SLC66A3: variants seen among roughly 807,000 people sequenced by gnomAD.
SLC66A3 encodes the protein solute carrier family 66 member 3.
Under a neutral mutation model 25.5 loss-of-function variants are expected in SLC66A3, and 23 were observed. That is an observed-to-expected ratio of 0.90 (90% confidence interval 0.65 to 1.28). The LOEUF (loss-of-function observed/expected upper bound fraction) is 1.28, where lower values mean the gene tolerates loss of function less well. SLC66A3 is among the 50% of genes most tolerant of loss of function. The pLI, the probability that SLC66A3 is intolerant of heterozygous loss-of-function variation, is 0.00. For missense variants in SLC66A3, 246 were observed against 262.1 expected, an observed-to-expected ratio of 0.94 and a Z score of 0.42; for synonymous variants, 108 against 112.6, an observed-to-expected ratio of 0.96 and a Z score of 0.26.
At chr2:11,158,785 C>T (rs959858014) in intron 1 of SLC66A3, among the ~76,000 whole-genome samples, 1 of 152,094 alleles carries the variant, frequency 6.6e-6, no homozygotes, top group Admixed American at 6.5e-5. Context: ...CGCCACTGCA[C>T]TCCAGCCTGG....
chr2:11,156,467 C>G (rs1661905365), intron 1 of SLC66A3, among the ~76,000 whole-genome samples: 1 of 152,200 alleles, frequency 6.6e-6, no homozygotes, highest in Non-Finnish European at 1.5e-5. Flanking sequence ...AGGCCTTCCC[C>G]TTTGCCCCCC....
At chr2:11,162,793 A>T (rs1469602927) in intron 3 of SLC66A3, among the ~76,000 whole-genome samples, 1 of 151,984 alleles carries the variant, frequency 6.6e-6, no homozygotes, top group African/African-American at 2.4e-5. Context: ...TTTTTAGCAG[A>T]GACGGGGTTT....
At chr2:11,174,938 T>C (rs1662684789) in intron 5 of SLC66A3, 30 bp from the exon 6 acceptor site, 1 of 1,593,606 alleles carries the variant, frequency 6.3e-7, no homozygotes, top group Non-Finnish European at 8.6e-7. Context: ...GAGAGGCAAG[T>C]TACTTATTGC....
At position 11,155,624 on chromosome 2, in the gene SLC66A3, C is replaced by A. The variant is rs760033622; in HGVS notation, c.78C>A (p.Ser26=). Residue 26 remains serine (S), a synonymous_variant, in exon 1 of 7, where the codon TCC becomes TCA. Transcript: ENST00000295083. ...CCGCGCTGAAGCTGCCGCAGATCTC[C>A]GCTGTGCTAGCGGCGCGCAGCGCGC... ...VCAALKLPQI[S]AVLAARSARG... 14 of 1,529,246 alleles carry A rather than the reference C, an allele frequency of 9.2e-6. No individual in the cohort carries two copies. Among genetic ancestry groups the A allele is most frequent in the Non-Finnish European group, 1.2e-5 (14 of 1,149,280 alleles). 94.7% of individuals were successfully genotyped at this position (1,529,246 alleles called of 1,614,324 possible). A position where few individuals can be genotyped will look rare whatever the true frequency, so the allele number is the denominator to read the frequency against.
intron 6 of SLC66A3, among the ~76,000 whole-genome samples, chr2:11,176,269 G>GCA (rs1340199926): frequency 1.3e-5 from 2 of 152,212 alleles, no homozygotes; most frequent in African/African-American, 2.4e-5. Flanking sequence ...AGGCTGGAGT[G>GCA]CAGTGGTGTG....
intron 3 of SLC66A3, among the ~76,000 whole-genome samples, chr2:11,163,936 G>T (rs1662213962): frequency 6.6e-6 from 1 of 152,216 alleles, no homozygotes; most frequent in Non-Finnish European, 1.5e-5. Context: ...CACTAGGAAT[G>T]TTCCCAATCC....
chr2:11,162,503 C>T (rs1412606210), intron 3 of SLC66A3, among the ~76,000 whole-genome samples: 3 of 152,174 alleles, frequency 2.0e-5, no homozygotes, highest in East Asian at 1.9e-4. Context: ...ATGCTGATGG[C>T]GAGTCTGTAG....
chr2:11,155,543 C>T lies in SLC66A3; in HGVS notation c.-4C>T, dbSNP rs765575301. ...GCCGCCCAGGTGCCCGCGCCCGTGGCGCTATGGAGGCGGCGCTGCTGGGGC... is the reference window on the plus strand; with the variant it reads ...GCCGCCCAGGTGCCCGCGCCCGTGGTGCTATGGAGGCGGCGCTGCTGGGGC... On this transcript the variant is annotated 5_prime_UTR_variant, in exon 1 of 7. Coordinates refer to ENST00000295083, the MANE Select transcript of SLC66A3 (RefSeq NM_152391.5). 1.3e-6 allele frequency: 2 copies of T among 1,494,646 alleles called. No homozygotes were observed. The highest frequency in any genetic ancestry group is 1.2e-5 in the South Asian group (1 of 80,166). 92.6% of individuals were successfully genotyped at this position (1,494,646 alleles called of 1,614,324 possible).
intron 4 of SLC66A3, among the ~76,000 whole-genome samples, chr2:11,169,729 C>T (rs1204459961): frequency 1.3e-5 from 2 of 152,082 alleles, no homozygotes; most frequent in East Asian, 1.9e-4. Context: ...GATCTCCCAC[C>T]CTGCCCCTCT....
Position 11,178,731 on chromosome 2 carries a change from A to T in SLC66A3, c.*903A>T, listed in dbSNP as rs1320370714. 1 of 152,216 alleles carries T rather than the reference A, an allele frequency of 6.6e-6. No individual in the cohort carries two copies. Among genetic ancestry groups the T allele is most frequent in the African/African-American group, 2.4e-5 (1 of 41,460 alleles). 9.4% of individuals were successfully genotyped at this position (152,216 alleles called of 1,614,324 possible). A position where few individuals can be genotyped will look rare whatever the true frequency, so the allele number is the denominator to read the frequency against. ...ATTATTATATACTGTATTTTCTTCTAAATTAACCCTAATGTTTAAAAACTC... is the reference window on the plus strand; with the variant it reads ...ATTATTATATACTGTATTTTCTTCTTAATTAACCCTAATGTTTAAAAACTC... On this transcript the variant is annotated 3_prime_UTR_variant, in exon 7 of 7. Transcript: ENST00000295083.
At chr2:11,168,880 C>CA (rs1317956988) in intron 4 of SLC66A3, among the ~76,000 whole-genome samples, 1 of 151,690 alleles carries the variant, frequency 6.6e-6, no homozygotes, top group Non-Finnish European at 1.5e-5. Flanking sequence ...TCTTGTGAGA[C>CA]AGAGTCTGAC....
In SLC66A3 at chr2:11,164,268, A is replaced by C; in HGVS notation, c.354+7A>C. The stretch of plus-strand genomic sequence containing the variant: ...GATCATAGACCTGGCCATGGTAAGT[A>C]TTATGCTTGAAAAGAAAGTAGGAGG... On this transcript the variant is annotated splice_region_variant and intron_variant, in intron 4 of 6. Transcript: ENST00000295083. 6.6e-7 allele frequency: 1 copy of C among 1,507,232 alleles called. No homozygotes were observed. The highest frequency in any genetic ancestry group is 8.9e-7 in the Non-Finnish European group (1 of 1,124,216). The allele number at this position is 1,507,232 out of a possible 1,614,324, so 93.4% of individuals were successfully genotyped here.
intron 6 of SLC66A3, among the ~76,000 whole-genome samples, chr2:11,176,810 G>C (rs1662768933): frequency 6.6e-6 from 1 of 151,956 alleles, no homozygotes; most frequent in South Asian, 2.1e-4. Flanking sequence ...TTACAGGCGT[G>C]AGCCACCGCG....
In SLC66A3 at chr2:11,178,828, C is replaced by G. The variant is rs1572203680; in HGVS notation, c.*1000C>G. The G allele has an allele frequency of 6.6e-6, 1 of 152,012 alleles. No individual in the cohort carries two copies. Among genetic ancestry groups the G allele is most frequent in the African/African-American group, 2.4e-5 (1 of 41,372 alleles). The allele number at this position is 152,012 out of a possible 1,614,324, so 9.4% of individuals were successfully genotyped here. On this transcript the variant is annotated 3_prime_UTR_variant, in exon 7 of 7. Transcript: ENST00000295083. The stretch of plus-strand genomic sequence containing the variant: ...GATGTTTACCAGAGATTATTGTTTC[C>G]TATGCAAAATAAATTTTCATATTTT...
intron 5 of SLC66A3, among the ~76,000 whole-genome samples, chr2:11,174,487 G>GTTTTT (rs1303840993): frequency 6.6e-6 from 1 of 152,052 alleles, no homozygotes; most frequent in East Asian, 1.9e-4. Flanking sequence ...ATGCATGGCT[G>GTTTTT]TTTTTTGTTT....
At chr2:11,176,497 T>A (rs1033033432) in intron 6 of SLC66A3, among the ~76,000 whole-genome samples, 1 of 149,782 alleles carries the variant, frequency 6.7e-6, no homozygotes, top group African/African-American at 2.5e-5. Flanking sequence ...ATTACAGGCG[T>A]GTGCCACCGC....
intron 4 of SLC66A3, among the ~76,000 whole-genome samples, chr2:11,166,707 A>G (rs1057457078): frequency 9.2e-5 from 14 of 152,094 alleles, no homozygotes; most frequent in African/African-American, 3.1e-4. Context: ...CCTGGCCAAC[A>G]GGCGAAACCC....
chr2:11,163,704 G>C (rs144516043), intron 3 of SLC66A3, among the ~76,000 whole-genome samples: 45 of 152,288 alleles, frequency 3.0e-4, no homozygotes, highest in African/African-American at 1.0e-3. Flanking sequence ...GCGTCACCGA[G>C]CTCGGTGCAC....
intron 4 of SLC66A3, among the ~76,000 whole-genome samples, chr2:11,170,021 T>C (rs1662494040): frequency 6.6e-6 from 1 of 151,936 alleles, no homozygotes; most frequent in African/African-American, 2.4e-5. Flanking sequence ...GTGTTTTTAG[T>C]AGAGATGGGG....
Sources: allele counts gnomAD v4.1 joint callset (sites outside exome capture counted in the v4.1 genomes callset), GRCh38; gene constraint gnomAD v4.1.1; transcripts MANE v1.5; gene names NCBI Gene and HGNC (gene_info 2026-07-23, HGNC 2026-07-21).